HECW2: variants seen among roughly 807,000 people sequenced by gnomAD.
HECW2 encodes HECT, C2 and WW domain containing E3 ubiquitin protein ligase 2, also known as E3 ubiquitin-protein ligase HECW2.
Under a neutral mutation model 175.2 loss-of-function variants are expected in HECW2, and 61 were observed. The ratio of observed to expected loss-of-function variants is 0.35; its 90% CI spans 0.28 to 0.43. The LOEUF is 0.43. Among genes scored for constraint, HECW2 ranks in the 20% least tolerant of loss-of-function variants. The pLI, the probability that HECW2 is intolerant of heterozygous loss-of-function variation, is 1.00. For missense variants in HECW2, 1,524 were observed against 2,000.5 expected, an observed-to-expected ratio of 0.76 and a Z score of 4.54; for synonymous variants, 671 against 731.0, an observed-to-expected ratio of 0.92 and a Z score of 1.32.
chr2:196,385,119 C>T (rs1449760918), intron 2 of HECW2, among the ~76,000 whole-genome samples: 1 of 151,742 alleles, frequency 6.6e-6, no homozygotes, highest in Non-Finnish European at 1.5e-5. Flanking sequence ...GCTATGTTGC[C>T]CAGGTTGGTC....
At chr2:196,444,901 A>C (rs1348952909) in intron 1 of HECW2, among the ~76,000 whole-genome samples, 1 of 152,150 alleles carries the variant, frequency 6.6e-6, no homozygotes, top group Admixed American at 6.6e-5. Flanking sequence ...TAATTCCCTG[A>C]ATAAACCAAA....
intron 10 of HECW2, among the ~76,000 whole-genome samples, chr2:196,312,514 G>A (rs1483546855): frequency 6.6e-6 from 1 of 152,116 alleles, no homozygotes; most frequent in African/African-American, 2.4e-5. Context: ...AATTCCATTT[G>A]TATAAAGTAC....
chr2:196,303,130 T>C (rs1399249991), intron 13 of HECW2, among the ~76,000 whole-genome samples: 17 of 152,224 alleles, frequency 1.1e-4, no homozygotes, highest in African/African-American at 2.2e-4. Context: ...TGAAGCGATG[T>C]TGAATTTTAT....
intron 18 of HECW2, among the ~76,000 whole-genome samples, chr2:196,255,929 C>T (rs1236408935): frequency 1.3e-5 from 2 of 151,962 alleles, no homozygotes; most frequent in African/African-American, 4.8e-5. Context: ...AAAAATTAGC[C>T]GGGCGTGGTG....
intron 1 of HECW2, among the ~76,000 whole-genome samples, chr2:196,491,274 G>T (rs1687173628): frequency 6.6e-6 from 1 of 151,516 alleles, no homozygotes; most frequent in African/African-American, 2.4e-5. Flanking sequence ...CAAGGTGGAT[G>T]AATCAGATGG....
At chr2:196,498,978 C>T (rs1687488085) in intron 1 of HECW2, among the ~76,000 whole-genome samples, 1 of 152,206 alleles carries the variant, frequency 6.6e-6, no homozygotes, top group Admixed American at 6.5e-5. Context: ...ACAGTTTCAA[C>T]CCCCCTATAA....
intron 2 of HECW2, among the ~76,000 whole-genome samples, chr2:196,390,979 C>T (rs61145658): frequency 6.6e-6 from 1 of 152,080 alleles, no homozygotes; most frequent in Admixed American, 6.6e-5. Flanking sequence ...CATGTGCCTC[C>T]CTCCCTCCCC....
intron 2 of HECW2, among the ~76,000 whole-genome samples, chr2:196,348,229 T>C (rs1179977784): frequency 2.6e-5 from 4 of 152,226 alleles, no homozygotes; most frequent in Non-Finnish European, 4.4e-5. Flanking sequence ...TGTTCATGGA[T>C]TTTTTTGTAT....
Position 196,307,970 on chromosome 2 carries a change from A to G in HECW2, c.2550T>C (p.Ser850=). Residue 850 remains serine, a synonymous_variant, in exon 11 of 29, where the codon TCT becomes TCC. Transcript: ENST00000644978. ...GCTGCTCCATTTGCTGTATGGAGTT[A>G]GATCTCTGCAGCACCTGCGGGGCTG... ...APPAPQVLQR[S]NSIQQMEQLN... is the part of the protein sequence containing the mutation. The G allele has an allele frequency of 6.3e-7, 1 of 1,595,514 alleles. No homozygotes were observed. The highest frequency in any genetic ancestry group is 8.6e-7 in the Non-Finnish European group (1 of 1,166,880).
intron 1 of HECW2, among the ~76,000 whole-genome samples, chr2:196,453,131 A>G (rs1696398773): frequency 6.6e-6 from 1 of 152,180 alleles, no homozygotes; most frequent in African/African-American, 2.4e-5. Flanking sequence ...TAATCCACTC[A>G]CATAAGAAAG....
chr2:196,214,806 C>T (rs1687413994), intron 28 of HECW2, among the ~76,000 whole-genome samples: 1 of 152,138 alleles, frequency 6.6e-6, no homozygotes, highest in South Asian at 2.1e-4. Flanking sequence ...CTTTCAATTG[C>T]TAAGAAGAAA....
intron 1 of HECW2, among the ~76,000 whole-genome samples, chr2:196,560,197 G>A (rs1689948464): frequency 6.6e-6 from 1 of 152,182 alleles, no homozygotes; most frequent in African/African-American, 2.4e-5. Context: ...CCAGGTTGGA[G>A]TGCAATGGCG....
At position 196,511,838 on chromosome 2, in the gene HECW2, G is replaced by T. The variant is rs968583119; in HGVS notation, c.-35-78380C>A. ...GGGGAGTAAGGGCACAGGAGGATGG[G>T]AGAAGTGGTAAAGAAAAAAAGTAGC... is the stretch of plus-strand genomic sequence containing the variant. On this transcript the variant is annotated intron_variant, in intron 1 of 28. Coordinates refer to ENST00000644978, the MANE Select transcript of HECW2 (RefSeq NM_001348768.2). 1.1e-4 allele frequency among the ~76,000 whole-genome samples: 17 copies of T among 152,180 alleles called. 1 individual carries two copies. Among genetic ancestry groups the T allele is most frequent in the Admixed American group, 1.1e-3 (17 of 15,270 alleles).
At chr2:196,278,437 T>C (rs1399838297) in intron 15 of HECW2, 91 bp downstream of exon 15, 5 of 1,316,682 alleles carry the variant, frequency 3.8e-6, no homozygotes, top group Non-Finnish European at 4.1e-6. Context: ...AAAGAAAAAA[T>C]GCTTTAAAAA....
chr2:196,589,454 C>T (rs1691103220), intron 1 of HECW2, among the ~76,000 whole-genome samples: 1 of 152,204 alleles, frequency 6.6e-6, no homozygotes, highest in South Asian at 2.1e-4. Flanking sequence ...AGGTCACCTG[C>T]ACAATCTCAA....
chr2:196,484,475 C>A (rs1206036394), intron 1 of HECW2, among the ~76,000 whole-genome samples: 1 of 152,168 alleles, frequency 6.6e-6, no homozygotes, highest in Non-Finnish European at 1.5e-5. Flanking sequence ...CCTGAACCTG[C>A]AGGACTGCAC....
intron 1 of HECW2, among the ~76,000 whole-genome samples, chr2:196,494,690 G>A (rs13390769): frequency 0.34 from 51,371 of 152,110 alleles, 11,876 homozygotes; most frequent in African/African-American, 0.66. Context: ...TGAAATCCAA[G>A]AGTCTAAGAC....
chr2:196,343,057 T>C (rs1466801168), intron 3 of HECW2, among the ~76,000 whole-genome samples: 2 of 146,222 alleles, frequency 1.4e-5, no homozygotes, highest in African/African-American at 5.3e-5. Flanking sequence ...CATATATATG[T>C]AAATGTGTAT....
At chr2:196,571,888 C>A (rs1294287064) in intron 1 of HECW2, among the ~76,000 whole-genome samples, 4 of 152,010 alleles carry the variant, frequency 2.6e-5, no homozygotes, top group Non-Finnish European at 5.9e-5. Flanking sequence ...ACCCAAGAAT[C>A]CATCAAGGAA....
Sources: allele counts gnomAD v4.1 joint callset (sites outside exome capture counted in the v4.1 genomes callset), GRCh38; gene constraint gnomAD v4.1.1; transcripts MANE v1.5; gene names NCBI Gene and HGNC (gene_info 2026-07-23, HGNC 2026-07-21).